The following LAMA2 variants were observed in gnomAD, a reference collection of about 807,000 sequenced individuals.
The protein encoded by LAMA2 is laminin subunit alpha 2, also known as laminin subunit alpha-2.
In LAMA2, 269 loss-of-function variants were observed where a neutral mutation model predicts 364.8. That is an observed-to-expected ratio of 0.74 (90% CI 0.67 to 0.82). LAMA2 has a LOEUF of 0.82. Ranked by LOEUF, LAMA2 falls within the 40% of genes least tolerant of loss-of-function variation. LAMA2 has a pLI of 0.00. For missense variants in LAMA2, 3,807 were observed against 3,873.2 expected (o/e 0.98, Z 0.45); for synonymous variants, 1,379 against 1,370.6 (o/e 1.01, Z -0.14).
intron 1 of LAMA2, among the ~76,000 whole-genome samples, chr6:129,031,888 C>T (rs12215631): frequency 0.15 from 22,815 of 151,872 alleles, 1,913 homozygotes; most frequent in African/African-American, 0.21. Flanking sequence ...TACAGTGGCA[C>T]GATCTCTGCA....
chr6:129,508,671 C>T (rs985307840), intron 62 of LAMA2, among the ~76,000 whole-genome samples: 70 of 152,238 alleles, frequency 4.6e-4, no homozygotes, highest in African/African-American at 1.6e-3. Context: ...ACCTCAAGAA[C>T]CACCCATGTT....
At chr6:129,182,828 T>C (rs1266593093) in intron 10 of LAMA2, among the ~76,000 whole-genome samples, 1 of 151,786 alleles carries the variant, frequency 6.6e-6, no homozygotes, top group East Asian at 1.9e-4. Flanking sequence ...CTGAGGCAAA[T>C]ATAAAATATA....
chr6:129,231,456 G>C (rs931187385), intron 12 of LAMA2, among the ~76,000 whole-genome samples: 1 of 152,054 alleles, frequency 6.6e-6, no homozygotes, highest in Non-Finnish European at 1.5e-5. Flanking sequence ...TTCCCACAGT[G>C]CCATGAAGTA....
intron 1 of LAMA2, among the ~76,000 whole-genome samples, chr6:128,942,084 A>G (rs983852472): frequency 6.6e-6 from 1 of 152,172 alleles, no homozygotes; most frequent in Non-Finnish European, 1.5e-5. Context: ...AAACTAAACA[A>G]CGGAAGCACA....
intron 12 of LAMA2, among the ~76,000 whole-genome samples, chr6:129,231,203 A>G (rs953989359): frequency 2.0e-5 from 3 of 152,134 alleles, no homozygotes; most frequent in Non-Finnish European, 4.4e-5. Context: ...ATTAATCTGA[A>G]CATCTATTTA....
chr6:129,290,309 G>A (rs887810986), intron 19 of LAMA2, among the ~76,000 whole-genome samples: 1 of 152,040 alleles, frequency 6.6e-6, no homozygotes, highest in African/African-American at 2.4e-5. Flanking sequence ...GATGAAAATG[G>A]ATATTTAAAG....
At chr6:129,066,517 G>C (rs1241931337) in intron 3 of LAMA2, among the ~76,000 whole-genome samples, 1 of 152,172 alleles carries the variant, frequency 6.6e-6, no homozygotes, top group Non-Finnish European at 1.5e-5. Context: ...TACTCAATGT[G>C]ATCCACAGAT....
At chr6:129,111,907 G>A (rs1776183776) in intron 4 of LAMA2, among the ~76,000 whole-genome samples, 1 of 151,950 alleles carries the variant, frequency 6.6e-6, no homozygotes, top group Admixed American at 6.6e-5. Flanking sequence ...AAAGTTGGTG[G>A]TATACAGGTT....
At chr6:129,444,328 A>G (rs1263436472) in intron 44 of LAMA2, among the ~76,000 whole-genome samples, 2 of 152,344 alleles carry the variant, frequency 1.3e-5, no homozygotes, top group Non-Finnish European at 2.9e-5. Context: ...ATCTAAATCT[A>G]AATCATTTTG....
chr6:129,457,974 G>C (rs1783056618), intron 48 of LAMA2, among the ~76,000 whole-genome samples: 1 of 152,062 alleles, frequency 6.6e-6, no homozygotes, highest in African/African-American at 2.4e-5. Context: ...CAAATGCCCT[G>C]CCTGCTAATA....
At chr6:129,465,561 T>C (rs564010532) in intron 51 of LAMA2, among the ~76,000 whole-genome samples, 11 of 152,094 alleles carry the variant, frequency 7.2e-5, no homozygotes, top group African/African-American at 2.6e-4. Flanking sequence ...AATTATATCC[T>C]GTAATATGTT....
At chr6:129,108,996 A>C (rs1393727654) in intron 4 of LAMA2, among the ~76,000 whole-genome samples, 1 of 152,174 alleles carries the variant, frequency 6.6e-6, no homozygotes, top group Non-Finnish European at 1.5e-5. Flanking sequence ...TTTAAATATT[A>C]ATTTGCATCC....
At chr6:129,476,880 G>A (rs1018805061) in intron 53 of LAMA2, among the ~76,000 whole-genome samples, 4 of 152,176 alleles carry the variant, frequency 2.6e-5, no homozygotes, top group Non-Finnish European at 1.5e-5. Context: ...GTTCCAGAAA[G>A]GAGTGCGGGG....
At position 129,192,810 on chromosome 6, in the gene LAMA2, A is replaced by G; in HGVS notation, c.1739A>G (p.His580Arg). The G allele has an allele frequency of 6.2e-7, 1 of 1,614,204 alleles. No homozygotes were observed. Among genetic ancestry groups the G allele is most frequent in the South Asian group, 1.1e-5 (1 of 91,078 alleles). The change falls in exon 12 of 65, where the codon CAC becomes CGC. Residue 580 changes from histidine (H) to arginine (R), a missense_variant. His to Arg is a conservative substitution (Grantham distance 29). This residue lies in a region of LAMA2 where 3,333 missense variants were observed against 3,345.7 expected (regional missense o/e 1.00). Transcript: ENST00000421865. ...SNAEARQALP[H>R]SYYWSAPAPY... ...GCGGAGGCCCGGCAAGCCCTGCCGC[A>G]CAGCTACTACTGGAGCGCGCCGGCT... is the stretch of plus-strand genomic sequence containing the variant.
At chr6:128,956,977 C>T (rs994721984) in intron 1 of LAMA2, among the ~76,000 whole-genome samples, 3 of 152,078 alleles carry the variant, frequency 2.0e-5, no homozygotes, top group Non-Finnish European at 4.4e-5. Flanking sequence ...AGGTTATACT[C>T]TCATTCTGTT....
chr6:129,266,135 G>T (rs531145114), intron 15 of LAMA2, among the ~76,000 whole-genome samples: 2 of 152,112 alleles, frequency 1.3e-5, no homozygotes, highest in East Asian at 3.9e-4. Flanking sequence ...GATATATGAT[G>T]TTGTACTCGA....
At chr6:129,370,712 G>T (rs1315164258) in intron 34 of LAMA2, among the ~76,000 whole-genome samples, 1 of 152,136 alleles carries the variant, frequency 6.6e-6, no homozygotes, top group Admixed American at 6.5e-5. Context: ...AGGTTCCTGG[G>T]GATTATCGAG....
chr6:129,222,397 G>A (rs1205135816), intron 12 of LAMA2, among the ~76,000 whole-genome samples: 1 of 151,582 alleles, frequency 6.6e-6, no homozygotes, highest in African/African-American at 2.4e-5. Flanking sequence ...CAATGTGCAG[G>A]TTTGTTATGT....
chr6:129,480,429 T>C lies in LAMA2; in HGVS notation c.7573-834T>C, dbSNP rs542641337. Among the ~76,000 whole-genome samples the C allele has an allele frequency of 9.7e-4, 147 of 152,246 alleles. No homozygotes were observed. The Middle Eastern group carries it at 0.01, about 11-fold the overall frequency. On this transcript the variant is annotated intron_variant, in intron 54 of 64. Coordinates refer to ENST00000421865, the MANE Select transcript of LAMA2 (RefSeq NM_000426.4). ...TGCCATTAAAAGTGACTATCTACAT[T>C]TACTGAGAGAGTGATATCTTCCACA...
Sources: gnomAD v4.1 joint callset for allele counts (sites outside exome capture counted in the v4.1 genomes callset) on GRCh38, gnomAD v4.1.1 for gene constraint, gnomAD v4.1.1 regional missense constraint, MANE v1.5 for transcripts, NCBI Gene and HGNC (gene_info 2026-07-23, HGNC 2026-07-21) for gene names.